The following MAML3 variants were observed in gnomAD, a reference collection of about 807,000 sequenced individuals.
MAML3 encodes mastermind-like protein 3.
MAML3 carries 27 observed loss-of-function variants against 101.9 expected under a neutral mutation model. The observed-to-expected ratio is 0.27, with a 90% CI of 0.20 to 0.37. The LOEUF is 0.37. MAML3 is among the 10% of genes least tolerant of loss of function. The probability of loss-of-function intolerance (pLI) is 1.00; values close to 1 mark genes in which losing one functional copy is unlikely to be tolerated. For missense variants in MAML3, 1,316 were observed against 1,444.9 expected, an observed-to-expected ratio of 0.91 and a Z score of 1.45; for synonymous variants, 501 against 555.9, an observed-to-expected ratio of 0.90 and a Z score of 1.39.
chr4:139,869,925 T>C (rs1207031468), intron 2 of MAML3, among the ~76,000 whole-genome samples: 3 of 152,220 alleles, frequency 2.0e-5, no homozygotes, highest in African/African-American at 7.2e-5. Flanking sequence ...GTAGGCAAAA[T>C]TGCATAAGGT....
At chr4:139,996,646 A>G (rs1734821120) in intron 1 of MAML3, among the ~76,000 whole-genome samples, 1 of 151,602 alleles carries the variant, frequency 6.6e-6, no homozygotes, top group Admixed American at 6.6e-5. Flanking sequence ...ATATGTTTTG[A>G]GTCAAAAGTA....
chr4:140,030,302 C>T (rs917833033), intron 1 of MAML3, among the ~76,000 whole-genome samples: 5 of 152,178 alleles, frequency 3.3e-5, no homozygotes, highest in Admixed American at 6.5e-5. Context: ...ATTACAACCA[C>T]CTATTGATAA....
chr4:139,844,217 G>T (rs1731405095), intron 2 of MAML3, among the ~76,000 whole-genome samples: 1 of 152,160 alleles, frequency 6.6e-6, no homozygotes, highest in Non-Finnish European at 1.5e-5. Flanking sequence ...TACTATTTGA[G>T]TCCATTGGGA....
intron 2 of MAML3, among the ~76,000 whole-genome samples, chr4:139,834,794 G>A (rs1342806509): frequency 1.3e-5 from 2 of 152,112 alleles, no homozygotes; most frequent in African/African-American, 2.4e-5. Context: ...TATCAACCAC[G>A]GAGATGTCAT....
At chr4:139,984,990 G>T (rs146718589) in intron 1 of MAML3, among the ~76,000 whole-genome samples, 1 of 152,320 alleles carries the variant, frequency 6.6e-6, no homozygotes, top group East Asian at 1.9e-4. Flanking sequence ...GACAGCTGTT[G>T]CAGCTTTCTG....
Position 139,980,596 on chromosome 4 carries a change from T to G in MAML3, c.469-89629A>C, listed in dbSNP as rs150822376. Among the ~76,000 whole-genome samples, 97 of 152,298 alleles carry G rather than the reference T, an allele frequency of 6.4e-4. 1 individual carries two copies. In the Middle Eastern group the frequency reaches 0.014, roughly 21 times the overall value. On this transcript the variant is annotated intron_variant, in intron 1 of 4. Coordinates refer to ENST00000509479, the MANE Select transcript of MAML3 (RefSeq NM_018717.5). ...ACTCATAAAGGTGCTTTTAGTCTAA[T>G]GATCGAGTTAAGTTGTCCAAATCAA... is the stretch of plus-strand genomic sequence containing the variant.
chr4:139,751,175 G>A (rs1371782490), intron 2 of MAML3, among the ~76,000 whole-genome samples: 1 of 152,210 alleles, frequency 6.6e-6, no homozygotes, highest in Non-Finnish European at 1.5e-5. Context: ...CCATGTCCCT[G>A]TCTAAATATA....
chr4:140,028,586 T>C (rs1478385025), intron 1 of MAML3, among the ~76,000 whole-genome samples: 6 of 152,210 alleles, frequency 3.9e-5, no homozygotes, highest in African/African-American at 1.2e-4. Flanking sequence ...ATTTGTTTTC[T>C]TCTTTTTTTA....
At chr4:139,729,047 C>T (rs1728592891) in intron 3 of MAML3, among the ~76,000 whole-genome samples, 1 of 150,430 alleles carries the variant, frequency 6.6e-6, no homozygotes, top group Non-Finnish European at 1.5e-5. Context: ...CCTTGTCGCA[C>T]ACCTTATGTA....
intron 2 of MAML3, among the ~76,000 whole-genome samples, chr4:139,800,645 T>C (rs1730588929): frequency 6.6e-6 from 1 of 152,180 alleles, no homozygotes; most frequent in East Asian, 1.9e-4. Flanking sequence ...ACACGCAAGA[T>C]AAAACAATCA....
intron 2 of MAML3, among the ~76,000 whole-genome samples, chr4:139,840,176 C>T (rs549596563): frequency 6.6e-6 from 1 of 152,186 alleles, no homozygotes; most frequent in Non-Finnish European, 1.5e-5. Context: ...TACATGGTCC[C>T]CTGGCTTCTG....
In MAML3 at chr4:139,745,278, C is replaced by T. The variant is rs937144999; in HGVS notation, c.2080-14611G>A. Among the ~76,000 whole-genome samples, 7 of 124,334 alleles carry T rather than the reference C, an allele frequency of 5.6e-5. No homozygotes were observed. In the East Asian group the frequency reaches 1.4e-3, roughly 25 times the overall value. 81.6% of individuals were successfully genotyped at this position (124,334 alleles called of 152,430 possible). ...TGCATGCAGGCAGATCCAGCCGACTCGACCACCGTCCATCAGGAGCCACAG... is the reference window on the plus strand; with the variant it reads ...TGCATGCAGGCAGATCCAGCCGACTTGACCACCGTCCATCAGGAGCCACAG... On this transcript the variant is annotated intron_variant, in intron 2 of 4. Transcript: ENST00000509479.
intron 1 of MAML3, among the ~76,000 whole-genome samples, chr4:139,922,864 C>CT (rs1733153446): frequency 6.6e-6 from 1 of 152,190 alleles, no homozygotes; most frequent in Non-Finnish European, 1.5e-5. Context: ...GAGCAGAGGG[C>CT]TGCTGTCAGC....
In MAML3 at chr4:139,769,498, T is replaced by C. The variant is rs112749371; in HGVS notation, c.2080-38831A>G. ...TAGGGAAACTATTTTGAGTGGTATA[T>C]CTTACAGGAGACTGCAAGGCTCAAT... On this transcript the variant is annotated intron_variant, in intron 2 of 4. Transcript: ENST00000509479. 1.4e-3 allele frequency among the ~76,000 whole-genome samples: 210 copies of C among 152,304 alleles called. 1 individual carries two copies. The highest frequency in any genetic ancestry group is 4.7e-3 in the African/African-American group (197 of 41,564).
intron 1 of MAML3, among the ~76,000 whole-genome samples, chr4:139,959,318 T>C (rs1032114632): frequency 6.6e-6 from 1 of 152,166 alleles, no homozygotes; most frequent in African/African-American, 2.4e-5. Flanking sequence ...AGTGTGGACC[T>C]TTCCTAACCG....
chr4:139,997,033 G>C (rs192431609), intron 1 of MAML3, among the ~76,000 whole-genome samples: 1 of 151,304 alleles, frequency 6.6e-6, no homozygotes, highest in Non-Finnish European at 1.5e-5. Context: ...CTCCAGTCTG[G>C]TGACAGAGCA....
At chr4:139,789,437 T>C (rs1730363771) in intron 2 of MAML3, among the ~76,000 whole-genome samples, 2 of 152,030 alleles carry the variant, frequency 1.3e-5, no homozygotes, top group South Asian at 2.1e-4. Context: ...AAGCAGAGTC[T>C]AGAAAGCAGA....
chr4:139,806,510 G>A (rs1019618685), intron 2 of MAML3, among the ~76,000 whole-genome samples: 89 of 152,228 alleles, frequency 5.8e-4, no homozygotes, highest in African/African-American at 2.1e-3. Context: ...CAGTAGGCAA[G>A]CATAAATTGA....
chr4:140,143,563 C>T (rs185359533), intron 1 of MAML3, among the ~76,000 whole-genome samples: 8 of 152,246 alleles, frequency 5.3e-5, no homozygotes, highest in African/African-American at 1.9e-4. Context: ...GAGTTCAAGA[C>T]CAGCCTGACC....
Sources: gnomAD v4.1 joint callset for allele counts (sites outside exome capture counted in the v4.1 genomes callset) on GRCh38, gnomAD v4.1.1 for gene constraint, MANE v1.5 for transcripts, NCBI Gene and HGNC (gene_info 2026-07-23, HGNC 2026-07-21) for gene names.